ETFBKMT: variants seen among roughly 807,000 people sequenced by gnomAD.
The protein encoded by ETFBKMT is electron transfer flavoprotein subunit beta lysine methyltransferase, also known as electron transfer flavoprotein beta subunit lysine methyltransferase.
Under a neutral mutation model 18.3 loss-of-function variants are expected in ETFBKMT, and 13 were observed. The observed-to-expected ratio is 0.71, with a 90% CI of 0.46 to 1.13. The LOEUF is 1.13. Ranked by LOEUF, ETFBKMT falls within the 50% of genes most tolerant of loss-of-function variation. ETFBKMT has a pLI of 0.00. For synonymous variants in ETFBKMT, 84 were observed against 107.9 expected (o/e 0.78, Z 1.37); for missense variants, 293 against 306.2 (o/e 0.96, Z 0.32).
rs1031979845 is a variant in ETFBKMT at position 31,668,033 on chromosome 12, T to A, written c.*43T>A. 9 of 1,513,804 alleles carry A rather than the reference T, an allele frequency of 5.9e-6. No individual in the cohort carries two copies. Among genetic ancestry groups the A allele is most frequent in the African/African-American group, 1.4e-5 (1 of 72,008 alleles). 93.8% of individuals were successfully genotyped at this position (1,513,804 alleles called of 1,614,324 possible). ...AAGTATGAATATAGTAATGTTTGGA[T>A]CTGACTCTAAAAGTTTTCTCTATAG... On this transcript the variant is annotated 3_prime_UTR_variant, in exon 4 of 4. Coordinates refer to ENST00000357721, the MANE Select transcript of ETFBKMT (RefSeq NM_001135863.2).
Position 31,666,158 on chromosome 12 carries a change from C to T in ETFBKMT, c.386C>T (p.Thr129Ile), listed in dbSNP as rs1951192699. ...VLDLGSGCGA[T>I]AIAAKMSGAS... The stretch of plus-strand genomic sequence containing the variant: ...GATCTTGGGAGTGGATGTGGAGCTA[C>T]AGCTATTGCTGCTAAGATGAGTGGG... The change falls in exon 3 of 4, where the codon ACA becomes ATA. Residue 129 changes from threonine (T) to isoleucine (I), a missense_variant. Physicochemically the swap from Thr to Ile is moderately conservative, Grantham distance 89 (BLOSUM62 -1). Transcript: ENST00000357721. 1.9e-6 allele frequency: 3 copies of T among 1,613,978 alleles called. No individual in the cohort carries two copies. Among genetic ancestry groups the T allele is most frequent in the Non-Finnish European group, 2.5e-6 (3 of 1,179,962 alleles).
At chr12:31,657,444 C>T (rs961640522), upstream of ETFBKMT, among the ~76,000 whole-genome samples, 2 of 152,108 alleles carry the variant, frequency 1.3e-5, no homozygotes, top group Non-Finnish European at 2.9e-5. Flanking sequence ...AAGGGCAGGC[C>T]TTTTCTAGAC....
chr12:31,672,610 G>T lies in ETFBKMT; in HGVS notation c.*4620G>T. 5.6e-6 allele frequency: 2 copies of T among 359,738 alleles called. No homozygotes were observed. Among genetic ancestry groups the T allele is most frequent in the Non-Finnish European group, 1.0e-5 (2 of 197,692 alleles). The allele number at this position is 359,738 out of a possible 1,614,324, so 22.3% of individuals were successfully genotyped here. ...ATTACTTGTTTAAAAAAAAAAAACA[G>T]GCATTTGTTGTTTTCTCTGTAATTT... is the stretch of plus-strand genomic sequence containing the variant. On this transcript the variant is annotated 3_prime_UTR_variant, in exon 4 of 4. Transcript: ENST00000357721.
chr12:31,655,751 G>T (rs935556938), upstream of ETFBKMT, among the ~76,000 whole-genome samples: 1 of 152,160 alleles, frequency 6.6e-6, no homozygotes, highest in African/African-American at 2.4e-5. Flanking sequence ...AAAGCAATGT[G>T]TAAATACCGA....
chr12:31,656,441 A>C (rs1225460648), upstream of ETFBKMT, among the ~76,000 whole-genome samples: 1 of 152,152 alleles, frequency 6.6e-6, no homozygotes, highest in Non-Finnish European at 1.5e-5. Flanking sequence ...GTCGGGACTG[A>C]TCAGCATGGG....
intron 1 of ETFBKMT, among the ~76,000 whole-genome samples, chr12:31,650,955 T>C (rs1951012582): frequency 1.3e-5 from 2 of 152,246 alleles, no homozygotes; most frequent in South Asian, 4.1e-4. Context: ...ACAGAAGCCA[T>C]GTCTGTATCT....
chr12:31,672,662 T>G lies in ETFBKMT; in HGVS notation c.*4672T>G, dbSNP rs145570816. 18 of 281,426 alleles carry G rather than the reference T, an allele frequency of 6.4e-5. No homozygotes were observed. The East Asian group carries it at 1.3e-3, about 21-fold the overall frequency. 17.4% of individuals were successfully genotyped at this position (281,426 alleles called of 1,614,324 possible). A position where few individuals can be genotyped will look rare whatever the true frequency, so the allele number is the denominator to read the frequency against. On this transcript the variant is annotated 3_prime_UTR_variant, in exon 4 of 4. Coordinates refer to ENST00000357721, the MANE Select transcript of ETFBKMT (RefSeq NM_001135863.2). ...ATCATAATTCCACCAACCAGAGTAA[T>G]GGTCTAATTTCACCATTAACCTGTG...
intron 1 of ETFBKMT, among the ~76,000 whole-genome samples, chr12:31,653,368 C>A (rs1298599025): frequency 6.6e-6 from 1 of 152,114 alleles, no homozygotes; most frequent in Non-Finnish European, 1.5e-5. Context: ...GTAGATGGCA[C>A]CACAGTCTTA....
upstream of ETFBKMT, among the ~76,000 whole-genome samples, chr12:31,654,198 C>T (rs1340966065): frequency 2.6e-5 from 4 of 152,112 alleles, no homozygotes; most frequent in African/African-American, 7.2e-5. Flanking sequence ...TACAGGCACA[C>T]GCCACCATGT....
At position 31,652,382 on chromosome 12, in the gene ETFBKMT, A is replaced by G. The variant is rs139467282; in HGVS notation, c.-114+5127A>G. On this transcript the variant is annotated intron_variant, in intron 1 of 3. Coordinates refer to the ETFBKMT transcript ENST00000412352. ...AGTGGTATGGTCCCTTCATCACCAT[A>G]TATCTCCTAGTGATTCCCCCGCAAT... Among the ~76,000 whole-genome samples, 373 of 152,252 alleles carry G rather than the reference A, an allele frequency of 2.4e-3. 5 individuals carry two copies. Among genetic ancestry groups the G allele is most frequent in the African/African-American group, 8.6e-3 (359 of 41,550 alleles).
Position 31,668,503 on chromosome 12 carries a change from T to G in ETFBKMT, c.*513T>G, listed in dbSNP as rs1565753015. Reference sequence around the variant, plus strand: ...AGCCTTGAACTCTGGGCTTTTTTTTTTTTTTGAGATGGAGTCTCAGCTCTG... The same window carrying G: ...AGCCTTGAACTCTGGGCTTTTTTTTGTTTTTGAGATGGAGTCTCAGCTCTG... On this transcript the variant is annotated 3_prime_UTR_variant, in exon 4 of 4. Transcript: ENST00000357721. 1.3e-5 allele frequency: 2 copies of G among 152,088 alleles called. No homozygotes were observed. The highest frequency in any genetic ancestry group is 2.9e-5 in the Non-Finnish European group (2 of 68,140). The allele number at this position is 152,088 out of a possible 1,614,324, so 9.4% of individuals were successfully genotyped here.
At chr12:31,666,744 G>A (rs1951200848) in intron 3 of ETFBKMT, among the ~76,000 whole-genome samples, 4 of 151,878 alleles carry the variant, frequency 2.6e-5, no homozygotes, top group Non-Finnish European at 4.4e-5. Context: ...TCCGCCTCCC[G>A]GGTTCACACC....
chr12:31,657,246 A>G (rs1211983723), upstream of ETFBKMT, among the ~76,000 whole-genome samples: 1 of 152,244 alleles, frequency 6.6e-6, no homozygotes, highest in Non-Finnish European at 1.5e-5. Flanking sequence ...ATTTAAAGTA[A>G]AAAAATCACA....
At position 31,671,006 on chromosome 12, in the gene ETFBKMT, T is replaced by A. The variant is rs1951258397; in HGVS notation, c.*3016T>A. The stretch of plus-strand genomic sequence containing the variant: ...AAACAGAGTGGTGAGAAATAGTTAA[T>A]ACAGCTAGCAACATAAAAAAGGAGA... On this transcript the variant is annotated 3_prime_UTR_variant, in exon 4 of 4. Coordinates refer to ENST00000357721, the MANE Select transcript of ETFBKMT (RefSeq NM_001135863.2). 1 of 152,136 alleles carries A rather than the reference T, an allele frequency of 6.6e-6. No homozygotes were observed. The highest frequency in any genetic ancestry group is 2.1e-4 in the South Asian group (1 of 4,832). The allele number at this position is 152,136 out of a possible 1,614,324, so 9.4% of individuals were successfully genotyped here.
chr12:31,652,040 G>A (rs568397155), intron 1 of ETFBKMT, among the ~76,000 whole-genome samples: 1 of 152,222 alleles, frequency 6.6e-6, no homozygotes, highest in Non-Finnish European at 1.5e-5. Flanking sequence ...TGATCAACTA[G>A]AAAGTCTATT....
upstream of ETFBKMT, among the ~76,000 whole-genome samples, chr12:31,658,681 C>A (rs182976933): frequency 9.2e-5 from 14 of 152,304 alleles, no homozygotes; most frequent in Non-Finnish European, 1.5e-4. Context: ...CGTTTTCCCC[C>A]CTCTAGCACG....
intron 1 of ETFBKMT, among the ~76,000 whole-genome samples, chr12:31,660,511 G>A (rs919773584): frequency 1.2e-4 from 19 of 152,034 alleles, no homozygotes; most frequent in Non-Finnish European, 2.8e-4. Context: ...ATTCTAATCC[G>A]GGTGTTTTTC....
At chr12:31,661,474 ATTTC>A (rs1166702516) in intron 1 of ETFBKMT, among the ~76,000 whole-genome samples, 1 of 151,466 alleles carries the variant, frequency 6.6e-6, no homozygotes. Context: ...GTAATATTTT[ATTTC>A]TTTTTTTTTT....
At chr12:31,647,578 C>A (rs776260548) in intron 1 of ETFBKMT, among the ~76,000 whole-genome samples, 1 of 152,148 alleles carries the variant, frequency 6.6e-6, no homozygotes, top group Non-Finnish European at 1.5e-5. Context: ...CGTGTAATCC[C>A]AGCACTTTGT....
Sources: allele counts gnomAD v4.1 joint callset (sites outside exome capture counted in the v4.1 genomes callset), GRCh38; gene constraint gnomAD v4.1.1; transcripts MANE v1.5; gene names NCBI Gene and HGNC (gene_info 2026-07-23, HGNC 2026-07-21).